The following SLC9A9 variants were observed in gnomAD, a reference collection of about 807,000 sequenced individuals.
SLC9A9 encodes sodium/hydrogen exchanger 9.
Under a neutral mutation model 77.8 loss-of-function variants are expected in SLC9A9, and 62 were observed. That is an observed-to-expected ratio of 0.80 (90% CI 0.65 to 0.98). The LOEUF (loss-of-function observed/expected upper bound fraction) is 0.98. Ranked by LOEUF, SLC9A9 falls within the 50% of genes least tolerant of loss-of-function variation. The pLI is 0.00. For missense variants in SLC9A9, 775 were observed against 774.9 expected (o/e 1.00, Z 0.00); for synonymous variants, 320 against 283.5 (o/e 1.13, Z -1.29).
intron 9 of SLC9A9, among the ~76,000 whole-genome samples, chr3:143,550,007 G>A (rs1449001804): frequency 1.3e-5 from 2 of 152,024 alleles, no homozygotes; most frequent in Non-Finnish European, 2.9e-5. Context: ...TTTCACTCAG[G>A]GGGCCTCAAG....
At chr3:143,781,810 CT>C (rs1264984558) in intron 4 of SLC9A9, among the ~76,000 whole-genome samples, 1 of 152,112 alleles carries the variant, frequency 6.6e-6, no homozygotes, top group East Asian at 1.9e-4. Flanking sequence ...TGTAGCTTGC[CT>C]TTTGGAAACT....
intron 1 of SLC9A9, among the ~76,000 whole-genome samples, chr3:143,840,466 C>G (rs16854458): frequency 0.01 from 1,579 of 152,306 alleles, 30 homozygotes; most frequent in African/African-American, 0.036. Context: ...TTTATAGTAC[C>G]TGTCCCACCC....
chr3:143,743,205 A>AGATGGATAGATG (rs1935116115), intron 4 of SLC9A9, among the ~76,000 whole-genome samples: 3 of 139,976 alleles, frequency 2.1e-5, no homozygotes, highest in African/African-American at 5.4e-5. Context: ...ATAGATGGAT[A>AGATGGATAGATG]GATGGATGGA....
intron 6 of SLC9A9, among the ~76,000 whole-genome samples, chr3:143,582,078 G>A (rs549352994): frequency 1.8e-4 from 28 of 152,288 alleles, no homozygotes; most frequent in Non-Finnish European, 2.8e-4. Flanking sequence ...GCAAAAGCTC[G>A]TTATCTCTTG....
chr3:143,343,123 C>T (rs563128047), intron 14 of SLC9A9, among the ~76,000 whole-genome samples: 1 of 152,228 alleles, frequency 6.6e-6, no homozygotes, highest in African/African-American at 2.4e-5. Flanking sequence ...AGTTTAGACA[C>T]CCAGAGGAGG....
At chr3:143,299,341 C>T (rs899093009) in intron 14 of SLC9A9, among the ~76,000 whole-genome samples, 1 of 152,142 alleles carries the variant, frequency 6.6e-6, no homozygotes. Context: ...TCTGAGCAAG[C>T]GCAGGGCCAT....
At chr3:143,374,369 G>T (rs559205705) in intron 13 of SLC9A9, among the ~76,000 whole-genome samples, 60 of 140,400 alleles carry the variant, frequency 4.3e-4, no homozygotes, top group African/African-American at 1.6e-3. Context: ...AGCTTGCAGT[G>T]AGCCAAGATC....
At chr3:143,660,862 T>C (rs2038967577) in intron 5 of SLC9A9, among the ~76,000 whole-genome samples, 2 of 152,194 alleles carry the variant, frequency 1.3e-5, no homozygotes, top group Admixed American at 1.3e-4. Context: ...TAGATTATGC[T>C]TAACAAGGAA....
At chr3:143,524,755 G>A (rs984154007) in intron 9 of SLC9A9, among the ~76,000 whole-genome samples, 1 of 152,134 alleles carries the variant, frequency 6.6e-6, no homozygotes, top group Non-Finnish European at 1.5e-5. Context: ...AGTGTTGAAA[G>A]GTAGTGACTT....
intron 2 of SLC9A9, among the ~76,000 whole-genome samples, chr3:143,807,468 A>G (rs1449891975): frequency 2.0e-5 from 3 of 151,912 alleles, no homozygotes; most frequent in Non-Finnish European, 4.4e-5. Flanking sequence ...AAGGAGAAAA[A>G]CAAACCATTT....
chr3:143,536,398 G>T (rs747079899), intron 9 of SLC9A9, among the ~76,000 whole-genome samples: 2 of 152,236 alleles, frequency 1.3e-5, no homozygotes, highest in South Asian at 2.1e-4. Context: ...AGGGTCAAAG[G>T]TACTAATTTT....
chr3:143,339,870 C>T (rs143156744), intron 14 of SLC9A9, among the ~76,000 whole-genome samples: 18 of 152,238 alleles, frequency 1.2e-4, no homozygotes, highest in African/African-American at 3.9e-4. Context: ...AGTGACAACT[C>T]CTTCTGTAAA....
chr3:143,351,493 A>G (rs1402714844), intron 14 of SLC9A9, among the ~76,000 whole-genome samples: 1 of 152,200 alleles, frequency 6.6e-6, no homozygotes, highest in African/African-American at 2.4e-5. Context: ...TCTCAGCTGG[A>G]GAGCATCAAC....
intron 4 of SLC9A9, among the ~76,000 whole-genome samples, chr3:143,733,116 C>T (rs148945424): frequency 1.3e-5 from 2 of 152,244 alleles, no homozygotes; most frequent in African/African-American, 2.4e-5. Context: ...TCAGTTTGGG[C>T]TTCAAAATTC....
intron 12 of SLC9A9, among the ~76,000 whole-genome samples, chr3:143,461,141 G>C (rs1275629065): frequency 6.6e-6 from 1 of 152,104 alleles, no homozygotes; most frequent in African/African-American, 2.4e-5. Context: ...TATCTAAAAA[G>C]TTCCCAAGCA....
intron 9 of SLC9A9, among the ~76,000 whole-genome samples, chr3:143,547,711 C>A (rs13071089): frequency 0.11 from 16,986 of 152,272 alleles, 1,167 homozygotes; most frequent in Non-Finnish European, 0.14. Flanking sequence ...ATGGCTCCCT[C>A]TTTTACTTTT....
At chr3:143,449,966 A>G (rs2034963728) in intron 12 of SLC9A9, among the ~76,000 whole-genome samples, 2 of 77,218 alleles carry the variant, frequency 2.6e-5, no homozygotes, top group South Asian at 9.9e-4. Flanking sequence ...TATATAATAT[A>G]TATAATATAT....
chr3:143,691,626 C>T (rs966483090), intron 5 of SLC9A9, among the ~76,000 whole-genome samples: 130 of 152,192 alleles, frequency 8.5e-4, no homozygotes, highest in African/African-American at 3.1e-3. Context: ...GTGACCACTG[C>T]TTCTTTACCA....
chr3:143,342,696 G>A (rs1224941580), intron 14 of SLC9A9, among the ~76,000 whole-genome samples: 4 of 152,030 alleles, frequency 2.6e-5, no homozygotes, highest in African/African-American at 9.7e-5. Context: ...AACCACTGTG[G>A]GCACCATAAA....
Sources: gnomAD v4.1 joint callset for allele counts (sites outside exome capture counted in the v4.1 genomes callset) on GRCh38, gnomAD v4.1.1 for gene constraint, MANE v1.5 for transcripts, NCBI Gene and HGNC (gene_info 2026-07-23, HGNC 2026-07-21) for gene names.